The following UBR4 variants were observed in gnomAD, a reference collection of about 807,000 sequenced individuals.
UBR4 encodes the protein ubiquitin protein ligase E3 component n-recognin 4.
In UBR4, 124 loss-of-function variants were observed where a neutral mutation model predicts 575.6. The ratio of observed to expected loss-of-function variants is 0.22; its 90% confidence interval spans 0.19 to 0.25. The LOEUF (loss-of-function observed/expected upper bound fraction) is 0.25. UBR4 is among the 10% of genes least tolerant of loss of function. The pLI, the probability that UBR4 is intolerant of heterozygous loss-of-function variation, is 1.00. For missense variants in UBR4, 4,818 were observed against 6,478.8 expected, an observed-to-expected ratio of 0.74 and a Z score of 8.80; for synonymous variants, 2,455 against 2,473.7, an observed-to-expected ratio of 0.99 and a Z score of 0.22.
At chr1:19,083,211 C>T (rs1193593760) in intron 102 of UBR4, among the ~76,000 whole-genome samples, 1 of 152,118 alleles carries the variant, frequency 6.6e-6, no homozygotes, top group Non-Finnish European at 1.5e-5. Flanking sequence ...GGTGCTGCTC[C>T]CGCCAGTCTA....
At position 19,076,812 on chromosome 1, in the gene UBR4, C is replaced by T. The variant is rs149307853; in HGVS notation, c.15415G>A (p.Asp5139Asn). The T allele has an allele frequency of 8.7e-6, 14 of 1,613,628 alleles. No individual in the cohort carries two copies. Among genetic ancestry groups the T allele is most frequent in the African/African-American group, 2.7e-5 (2 of 74,880 alleles). Residue 5139 changes from aspartate to asparagine, a missense_variant, in exon 105 of 106, where the codon GAC becomes AAC. By Grantham distance (23) the Asp-to-Asn change is conservative. Transcript: ENST00000375254. ...TCCTGGAAGGTTTTCAGGGCTTTGTCGGCAGCTTCGTAGATGGGCATGTCG... is the reference window on the plus strand; with the variant it reads ...TCCTGGAAGGTTTTCAGGGCTTTGTTGGCAGCTTCGTAGATGGGCATGTCG... Reference protein sequence around the residue: ...HNDMPIYEAADKALKTFQEEF... With the variant: ...HNDMPIYEAANKALKTFQEEF...
Position 19,173,672 on chromosome 1 carries a change from T to A in UBR4, c.2983-51A>T. The A allele has an allele frequency of 1.9e-6, 3 of 1,564,084 alleles. No individual in the cohort carries two copies. In the South Asian group the frequency reaches 3.4e-5, roughly 18 times the overall value. ...GGTAGCACTTGGTATGGCCTCAAGATCTCCCTCACAGTACGAACTACTCCA... is the reference window on the plus strand; with the variant it reads ...GGTAGCACTTGGTATGGCCTCAAGAACTCCCTCACAGTACGAACTACTCCA... On this transcript the variant is annotated intron_variant, in intron 22 of 105. Coordinates refer to ENST00000375254, the MANE Select transcript of UBR4 (RefSeq NM_020765.3).
Position 19,089,604 on chromosome 1 carries a change from TGGA to T in UBR4, c.14212-630_14212-628del, listed in dbSNP as rs938089563. Among the ~76,000 whole-genome samples the T allele has an allele frequency of 2.6e-5, 4 of 151,778 alleles. No homozygotes were observed. The highest frequency in any genetic ancestry group is 5.9e-5 in the Non-Finnish European group (4 of 67,952). On this transcript the variant is annotated intron_variant, in intron 97 of 105. Coordinates refer to ENST00000375254, the MANE Select transcript of UBR4 (RefSeq NM_020765.3). The surrounding 1 kb of genome is among the most constrained non-coding windows in gnomAD (Gnocchi z 4.3). Reference sequence around the variant, plus strand: ...TATAGCGCTATGTGATAAACGGGGGTGGAGAACATCAGAAGGCTAAAGACAGGT... The same window carrying T: ...TATAGCGCTATGTGATAAACGGGGGTGAACATCAGAAGGCTAAAGACAGGT...
intron 62 of UBR4, 85 bp from the exon 63 acceptor site, chr1:19,127,824 C>A (rs1438755165): frequency 2.7e-5 from 30 of 1,111,226 alleles, no homozygotes; most frequent in Non-Finnish European, 4.1e-5. Context: ...AAGTCAAGCC[C>A]ATCAGCCCTA....
At chr1:19,206,423 T>C (rs966994903) in intron 1 of UBR4, among the ~76,000 whole-genome samples, 6 of 152,072 alleles carry the variant, frequency 3.9e-5, no homozygotes, top group African/African-American at 1.4e-4. Context: ...CCTCCCTGGT[T>C]CAATCAATTC....
chr1:19,122,809 C>T (rs766510805), intron 66 of UBR4, 24 bp downstream of exon 66: 1 of 1,613,680 alleles, frequency 6.2e-7, no homozygotes, highest in Non-Finnish European at 8.5e-7. Flanking sequence ...CCCTCCCTGC[C>T]CTACCAGGTC....
At chr1:19,208,567 T>C in intron 1 of UBR4, among the ~76,000 whole-genome samples, 1 of 152,030 alleles carries the variant, frequency 6.6e-6, no homozygotes, top group African/African-American at 2.4e-5. Context: ...AAGAGAGATC[T>C]TATTAATGTC....
intron 2 of UBR4, among the ~76,000 whole-genome samples, chr1:19,200,365 C>CTG (rs2092687588): frequency 6.6e-6 from 1 of 151,938 alleles, no homozygotes; most frequent in African/African-American, 2.4e-5. Flanking sequence ...GGTCCTCAGG[C>CTG]TGTGGGTTGG....
rs181760892 is a variant in UBR4 at position 19,156,479 on chromosome 1, T to C, written c.5920-56A>G. The C allele has an allele frequency of 1.5e-4, 245 of 1,583,966 alleles. 2 individuals carry two copies. The African/African-American group carries it at 2.4e-3, about 15-fold the overall frequency. On this transcript the variant is annotated intron_variant, in intron 41 of 105. Transcript: ENST00000375254. ...AAAGATGATCTGAAAAGTGGGCTAA[T>C]TCATTTCAGAGTAATGACGTTCCCT...
chr1:19,112,602 T>G lies in UBR4; in HGVS notation c.11723A>C (p.Glu3908Ala). 6.2e-7 allele frequency: 1 copy of G among 1,614,218 alleles called. No homozygotes were observed. The change falls in exon 78 of 106, where the codon GAG (glutamate) becomes GCG (alanine). Residue 3908 changes from glutamate (E) to alanine (A), a missense_variant. Glu to Ala is a moderately radical substitution (Grantham distance 107). Coordinates refer to ENST00000375254, the MANE Select transcript of UBR4 (RefSeq NM_020765.3). ...TCGGCGAAGATTATAATCAAAGAGCTCCCGGATAAGGCCCTGGGAGACAAG... is the reference window on the plus strand; with the variant it reads ...TCGGCGAAGATTATAATCAAAGAGCGCCCGGATAAGGCCCTGGGAGACAAG... ...HILVSQGLIR[E>A]LFDYNLRRGA...
intron 102 of UBR4, chr1:19,081,846 C>T: frequency 1.5e-6 from 1 of 657,028 alleles, no homozygotes; most frequent in Non-Finnish European, 2.8e-6. Flanking sequence ...TTCCAAGCAA[C>T]TACTGGTTCC....
At chr1:19,151,322 A>C (rs1213595592) in intron 48 of UBR4, 4 of 436,634 alleles carry the variant, frequency 9.2e-6, no homozygotes, top group Non-Finnish European at 1.3e-5. Context: ...GTGCGTTAAG[A>C]AAGCCTTGCA....
chr1:19,197,080 T>C (rs2092501904), intron 8 of UBR4, 61 bp downstream of exon 8: 4 of 1,575,738 alleles, frequency 2.5e-6, no homozygotes. Context: ...ATTTTCATGG[T>C]TTCCTGAAAG....
intron 102 of UBR4, among the ~76,000 whole-genome samples, chr1:19,083,402 A>C (rs2076710869): frequency 6.6e-6 from 1 of 152,252 alleles, no homozygotes; most frequent in African/African-American, 2.4e-5. Flanking sequence ...CCTGTTGCCT[A>C]AACTGTGCTG....
chr1:19,096,650 T>A lies in UBR4; in HGVS notation c.13391A>T (p.Asp4464Val). ...CACTTCTTCTTCATCTTCTTCTTCA[T>A]CTAGGGGAGAAGGGAAGCCAAGCAG... ...EFIESLDSTT[D>V]EEEDEEEVYK... Residue 4464 changes from aspartate to valine, a missense_variant and splice_region_variant, in exon 92 of 106, where the codon GAT becomes GTT. Transcript: ENST00000375254. 6.2e-7 allele frequency: 1 copy of A among 1,613,242 alleles called. No individual in the cohort carries two copies. Among genetic ancestry groups the A allele is most frequent in the Non-Finnish European group, 8.5e-7 (1 of 1,179,722 alleles).
At chr1:19,141,249 C>G (rs2083897323) in intron 57 of UBR4, 98 bp downstream of exon 57, 5 of 1,526,716 alleles carry the variant, frequency 3.3e-6, no homozygotes, top group African/African-American at 1.4e-5. Flanking sequence ...CTCCCCATAT[C>G]TGGGGACAAA....
intron 74 of UBR4, 128 bp from the exon 75 acceptor site, chr1:19,115,077 T>A (rs1343290929): frequency 2.2e-6 from 3 of 1,359,874 alleles, no homozygotes; most frequent in South Asian, 2.7e-5. Flanking sequence ...GAAGGGACAA[T>A]AACAAATGAA....
rs565509408 is a variant in UBR4 at position 19,113,935 on chromosome 1, G to C, written c.11328+10C>G. The C allele has an allele frequency of 6.2e-7, 1 of 1,614,202 alleles. No homozygotes were observed. Among genetic ancestry groups the C allele is most frequent in the Admixed American group, 1.7e-5 (1 of 60,020 alleles). Reference sequence around the variant, plus strand: ...CCCTTATCCAAATGCCCTTTGCAGCGTGGGACTACCTGTGGCTTTTCTGGA... The same window carrying C: ...CCCTTATCCAAATGCCCTTTGCAGCCTGGGACTACCTGTGGCTTTTCTGGA... On this transcript the variant is annotated intron_variant, in intron 76 of 105. Transcript: ENST00000375254.
At chr1:19,140,623 A>G (rs2083781431) in intron 58 of UBR4, among the ~76,000 whole-genome samples, 165 bp downstream of exon 58, 1 of 152,206 alleles carries the variant, frequency 6.6e-6, no homozygotes, top group East Asian at 1.9e-4. Context: ...GGCGGGGCCG[A>G]GCCACAGCAC....
Sources: allele counts gnomAD v4.1 joint callset (sites outside exome capture counted in the v4.1 genomes callset), GRCh38; gene constraint gnomAD v4.1.1; non-coding constraint Gnocchi (gnomAD v3.1); transcripts MANE v1.5; gene names NCBI Gene and HGNC (gene_info 2026-07-23, HGNC 2026-07-21).